The following UTRN variants were observed in gnomAD, a reference collection of about 807,000 sequenced individuals.
The protein encoded by UTRN is dystrophin-related protein 1.
UTRN carries 283 observed loss-of-function variants against 463.9 expected under a neutral mutation model. The observed-to-expected ratio is 0.61, with a 90% CI of 0.55 to 0.67. UTRN has a LOEUF of 0.67. Among genes scored for constraint, UTRN ranks in the 30% least tolerant of loss-of-function variants. The pLI, the probability that UTRN is intolerant of heterozygous loss-of-function variation, is 0.00. For missense variants in UTRN, 3,922 were observed against 4,084.3 expected, an observed-to-expected ratio of 0.96 and a Z score of 1.08; for synonymous variants, 1,442 against 1,431.5, an observed-to-expected ratio of 1.01 and a Z score of -0.17.
intron 51 of UTRN, among the ~76,000 whole-genome samples, chr6:144,588,858 A>G (rs1270098922): frequency 6.6e-6 from 1 of 152,226 alleles, no homozygotes; most frequent in Non-Finnish European, 1.5e-5. Flanking sequence ...AAAAGAATGT[A>G]GAAAATGTTA....
At chr6:144,447,859 G>T (rs1375508500) in intron 16 of UTRN, 78 bp downstream of exon 16, 8 of 1,428,228 alleles carry the variant, frequency 5.6e-6, no homozygotes, top group Admixed American at 5.0e-5. Flanking sequence ...GTTTTAATTT[G>T]TATGAAATAA....
chr6:144,491,820 C>G (rs1793099808), intron 32 of UTRN, among the ~76,000 whole-genome samples: 1 of 152,010 alleles, frequency 6.6e-6, no homozygotes, highest in African/African-American at 2.4e-5. Flanking sequence ...AAGTGCTGTC[C>G]TTGACTTCAT....
At chr6:144,566,260 G>A (rs1483275432) in intron 50 of UTRN, among the ~76,000 whole-genome samples, 1 of 152,172 alleles carries the variant, frequency 6.6e-6, no homozygotes, top group Non-Finnish European at 1.5e-5. Flanking sequence ...GAAGTTGGAA[G>A]AGAGAGGATT....
At chr6:144,709,413 A>G (rs1024913519) in intron 53 of UTRN, among the ~76,000 whole-genome samples, 3 of 152,046 alleles carry the variant, frequency 2.0e-5, no homozygotes, top group Non-Finnish European at 4.4e-5. Context: ...TTTTTGTAAT[A>G]AAGTTTAAAA....
At chr6:144,496,683 AAG>A (rs1202564189) in intron 33 of UTRN, among the ~76,000 whole-genome samples, 1 of 152,202 alleles carries the variant, frequency 6.6e-6, no homozygotes, top group East Asian at 1.9e-4. Context: ...AGGGTAGTGA[AAG>A]AGAAAAACAT....
At chr6:144,312,482 C>G (rs1055547370) in intron 2 of UTRN, among the ~76,000 whole-genome samples, 1 of 151,630 alleles carries the variant, frequency 6.6e-6, no homozygotes, top group Non-Finnish European at 1.5e-5. Flanking sequence ...AAGCCGTTAC[C>G]TCCATACAAA....
intron 35 of UTRN, among the ~76,000 whole-genome samples, chr6:144,513,378 C>T (rs1036765442): frequency 1.4e-4 from 22 of 151,956 alleles, no homozygotes; most frequent in African/African-American, 7.3e-5. Flanking sequence ...GGTGAAACCC[C>T]GTCTCTACTA....
intron 45 of UTRN, among the ~76,000 whole-genome samples, chr6:144,541,618 T>C (rs9496999): frequency 0.025 from 3,768 of 152,296 alleles, 159 homozygotes; most frequent in African/African-American, 0.084. Context: ...AATAGGTTTT[T>C]ATTGGAGTCT....
chr6:144,700,899 A>G (rs1784524555), intron 53 of UTRN, among the ~76,000 whole-genome samples: 1 of 145,026 alleles, frequency 6.9e-6, no homozygotes, highest in African/African-American at 2.6e-5. Flanking sequence ...ACCCCCAGCT[A>G]ATTTTGTATT....
At chr6:144,406,318 TCCA>T in intron 3 of UTRN, among the ~76,000 whole-genome samples, 1 of 151,890 alleles carries the variant, frequency 6.6e-6, no homozygotes, top group East Asian at 1.9e-4. Flanking sequence ...CATTCCATGC[TCCA>T]CCTTCTCCAT....
rs900412529 is a variant in UTRN at position 144,851,314 on chromosome 6, G to T, written c.*317G>T. On this transcript the variant is annotated 3_prime_UTR_variant, in exon 75 of 75. Transcript: ENST00000367545. Reference sequence around the variant, plus strand: ...AATGTATACAGCATTGGGAAAGTGGGTGGGGGCTTTCTAATATGATACCGT... The same window carrying T: ...AATGTATACAGCATTGGGAAAGTGGTTGGGGGCTTTCTAATATGATACCGT... 3.6e-5 allele frequency: 11 copies of T among 308,734 alleles called. No homozygotes were observed. The highest frequency in any genetic ancestry group is 9.4e-4 in the Middle Eastern group (1 of 1,060). The allele number at this position is 308,734 out of a possible 1,614,324, so 19.1% of individuals were successfully genotyped here. A position where few individuals can be genotyped will look rare whatever the true frequency, so the allele number is the denominator to read the frequency against.
At chr6:144,761,525 T>C (rs576094390) in intron 58 of UTRN, among the ~76,000 whole-genome samples, 77 of 152,096 alleles carry the variant, frequency 5.1e-4, no homozygotes, top group African/African-American at 1.8e-3. Context: ...CATGCGCCTA[T>C]AGTCCCAGCA....
intron 58 of UTRN, among the ~76,000 whole-genome samples, chr6:144,759,946 G>GATA (rs1483323060): frequency 6.6e-6 from 1 of 152,048 alleles, no homozygotes; most frequent in African/African-American, 2.4e-5. Context: ...AATTGACTTA[G>GATA]AGTCTTTTAT....
chr6:144,368,605 C>G (rs1353876547), intron 2 of UTRN, among the ~76,000 whole-genome samples: 1 of 151,916 alleles, frequency 6.6e-6, no homozygotes, highest in Non-Finnish European at 1.5e-5. Context: ...AACCCCATCT[C>G]TACTTTAAAA....
chr6:144,785,801 T>C (rs1776245027), intron 61 of UTRN, among the ~76,000 whole-genome samples: 1 of 152,224 alleles, frequency 6.6e-6, no homozygotes, highest in Non-Finnish European at 1.5e-5. Flanking sequence ...AAAAGTACTT[T>C]ATAAAGATAA....
rs1020408628 is a variant in UTRN at position 144,376,627 on chromosome 6, A to G, written c.80-26496A>G. 3.9e-5 allele frequency among the ~76,000 whole-genome samples: 6 copies of G among 152,160 alleles called. No individual in the cohort carries two copies. In the South Asian group the frequency reaches 6.2e-4, roughly 16 times the overall value. On this transcript the variant is annotated intron_variant, in intron 2 of 74. Coordinates refer to ENST00000367545, the MANE Select transcript of UTRN (RefSeq NM_007124.3). Reference sequence around the variant, plus strand: ...GTGTCATTCTGATTTGAATTTTTCTAGAAAGATTTCTAGAATTTTTCTAGA... The same window carrying G: ...GTGTCATTCTGATTTGAATTTTTCTGGAAAGATTTCTAGAATTTTTCTAGA...
intron 2 of UTRN, among the ~76,000 whole-genome samples, chr6:144,389,815 TC>T (rs1219503583): frequency 6.6e-6 from 1 of 152,192 alleles, no homozygotes; most frequent in Admixed American, 6.5e-5. Flanking sequence ...GCCAGGCTGG[TC>T]TTGAACTCCT....
At chr6:144,511,209 A>T (rs1194304487) in intron 35 of UTRN, 86 bp downstream of exon 35, 6 of 1,293,586 alleles carry the variant, frequency 4.6e-6, no homozygotes, top group African/African-American at 1.5e-5. Flanking sequence ...TTAAATTTCA[A>T]ATCCTGTTTA....
Position 144,700,246 on chromosome 6 carries a change from A to C in UTRN, c.7809+3A>C. On this transcript the variant is annotated splice_donor_region_variant and intron_variant, in intron 53 of 74. Transcript: ENST00000367545. ...AGCTCCAGTATGACCATTGTAAGGT[A>C]AGTGGATAACCTATAGTGAGTCGCT... 1.2e-6 allele frequency: 2 copies of C among 1,610,746 alleles called. No individual in the cohort carries two copies. Among genetic ancestry groups the C allele is most frequent in the South Asian group, 2.2e-5 (2 of 90,766 alleles).
Sources: allele counts gnomAD v4.1 joint callset (sites outside exome capture counted in the v4.1 genomes callset), GRCh38; gene constraint gnomAD v4.1.1; transcripts MANE v1.5; gene names NCBI Gene and HGNC (gene_info 2026-07-23, HGNC 2026-07-21).